The following ADAMTS17 variants were observed in gnomAD, a reference collection of about 807,000 sequenced individuals.
ADAMTS17 encodes the protein A disintegrin and metalloproteinase with thrombospondin motifs 17.
ADAMTS17 carries 113 observed loss-of-function variants against 141.5 expected under a neutral mutation model. The observed-to-expected ratio is 0.80, with a 90% CI of 0.69 to 0.93. The LOEUF is 0.93. Among genes scored for constraint, ADAMTS17 ranks in the 40% least tolerant of loss-of-function variants. The probability of loss-of-function intolerance (pLI) is 0.00; values close to 1 mark genes in which losing one functional copy is unlikely to be tolerated. For missense variants in ADAMTS17, 1,659 were observed against 1,517.9 expected, an observed-to-expected ratio of 1.09 and a Z score of -1.54; for synonymous variants, 768 against 630.6, an observed-to-expected ratio of 1.22 and a Z score of -3.27.
At chr15:100,025,221 G>T (rs935653237) in intron 18 of ADAMTS17, among the ~76,000 whole-genome samples, 1 of 152,062 alleles carries the variant, frequency 6.6e-6, no homozygotes, top group African/African-American at 2.4e-5. Context: ...CACATTTAAT[G>T]CTTTTTGGCT....
chr15:100,238,089 A>T (rs542497796), intron 7 of ADAMTS17, among the ~76,000 whole-genome samples: 66 of 152,336 alleles, frequency 4.3e-4, no homozygotes, highest in African/African-American at 1.5e-3. Flanking sequence ...CCTGCTGTCC[A>T]TGGTGGGGAC....
intron 12 of ADAMTS17, among the ~76,000 whole-genome samples, chr15:100,122,836 G>A (rs1015192245): frequency 6.6e-6 from 1 of 152,148 alleles, no homozygotes; most frequent in Non-Finnish European, 1.5e-5. Flanking sequence ...GGAGGAGTTG[G>A]TCTTGCTGTC....
At chr15:100,250,420 A>G (rs1393782510) in intron 7 of ADAMTS17, among the ~76,000 whole-genome samples, 1 of 152,222 alleles carries the variant, frequency 6.6e-6, no homozygotes, top group Non-Finnish European at 1.5e-5. Flanking sequence ...GCAAGCATGC[A>G]TCTACATGAC....
chr15:100,097,810 G>A (rs1297666848), intron 14 of ADAMTS17, among the ~76,000 whole-genome samples: 1 of 152,216 alleles, frequency 6.6e-6, no homozygotes, highest in East Asian at 1.9e-4. Flanking sequence ...ATCATGGCAT[G>A]CTACTCAAAG....
intron 9 of ADAMTS17, 136 bp downstream of exon 9, chr15:100,155,044 G>T: frequency 7.6e-7 from 1 of 1,314,910 alleles, no homozygotes; most frequent in Non-Finnish European, 1.1e-6. Flanking sequence ...ACTCTGCGCT[G>T]ACCGCCTCCT....
intron 8 of ADAMTS17, among the ~76,000 whole-genome samples, chr15:100,188,913 T>TG (rs777978984): frequency 1.4e-4 from 21 of 151,828 alleles, no homozygotes; most frequent in Admixed American, 2.6e-4. Flanking sequence ...AGAAACAAGA[T>TG]GGAAAAAAAA....
At chr15:100,089,730 G>C (rs2035332235) in intron 15 of ADAMTS17, among the ~76,000 whole-genome samples, 1 of 150,854 alleles carries the variant, frequency 6.6e-6, no homozygotes, top group Admixed American at 6.6e-5. Flanking sequence ...ACTATCACAA[G>C]GACAAAAAAC....
At chr15:100,111,830 T>C (rs1399221374) in intron 13 of ADAMTS17, among the ~76,000 whole-genome samples, 2 of 152,240 alleles carry the variant, frequency 1.3e-5, no homozygotes, top group Non-Finnish European at 2.9e-5. Context: ...TGTTCCATTA[T>C]ACAGACATGC....
chr15:100,276,996 G>T (rs1217876947), intron 4 of ADAMTS17, among the ~76,000 whole-genome samples: 8 of 152,128 alleles, frequency 5.3e-5, no homozygotes, highest in Non-Finnish European at 1.2e-4. Flanking sequence ...GGCTAGAGCG[G>T]CAAGAAAGGG....
chr15:100,181,029 G>C (rs2040505653), intron 8 of ADAMTS17, among the ~76,000 whole-genome samples: 1 of 152,194 alleles, frequency 6.6e-6, no homozygotes, highest in African/African-American at 2.4e-5. Context: ...TCAAACTAGA[G>C]ACAAAGTCCT....
At chr15:100,102,764 TCAAA>T (rs568488916) in intron 14 of ADAMTS17, among the ~76,000 whole-genome samples, 174 of 152,264 alleles carry the variant, frequency 1.1e-3, no homozygotes, top group African/African-American at 4.0e-3. Context: ...CTGGGTTTCC[TCAAA>T]CAGTTCATTC....
intron 18 of ADAMTS17, among the ~76,000 whole-genome samples, chr15:100,039,128 C>T (rs1013430646): frequency 1.3e-5 from 2 of 152,124 alleles, no homozygotes; most frequent in African/African-American, 4.8e-5. Context: ...TAGTAATTTA[C>T]GTCTTCTTTT....
At chr15:100,190,334 C>T (rs1023355801) in intron 8 of ADAMTS17, among the ~76,000 whole-genome samples, 10 of 152,248 alleles carry the variant, frequency 6.6e-5, no homozygotes, top group Non-Finnish European at 1.2e-4. Context: ...CTGTCTGCCA[C>T]TGCCATTTGG....
At chr15:100,255,527 A>C (rs1266108882) in intron 6 of ADAMTS17, among the ~76,000 whole-genome samples, 1 of 151,818 alleles carries the variant, frequency 6.6e-6, no homozygotes, top group Non-Finnish European at 1.5e-5. Flanking sequence ...AAAGCAAATA[A>C]AATTAGAGCC....
intron 7 of ADAMTS17, among the ~76,000 whole-genome samples, chr15:100,218,084 G>A (rs1450936060): frequency 6.6e-6 from 1 of 152,100 alleles, no homozygotes; most frequent in Non-Finnish European, 1.5e-5. Flanking sequence ...TGTTGCCCAG[G>A]CTAGTCTCAA....
intron 7 of ADAMTS17, among the ~76,000 whole-genome samples, chr15:100,226,645 CA>C: frequency 6.6e-6 from 1 of 152,116 alleles, no homozygotes. Context: ...AAGGAGAGTG[CA>C]GGGGCTTTCA....
At chr15:100,053,866 CT>C (rs2032336853) in intron 16 of ADAMTS17, 30 bp downstream of exon 16, 2 of 1,614,130 alleles carry the variant, frequency 1.2e-6, no homozygotes, top group South Asian at 2.2e-5. Flanking sequence ...GCCACACCCC[CT>C]AAGACAAGTG....
At chr15:100,083,895 G>A (rs925901489) in intron 15 of ADAMTS17, among the ~76,000 whole-genome samples, 5 of 151,954 alleles carry the variant, frequency 3.3e-5, no homozygotes, top group Non-Finnish European at 5.9e-5. Context: ...AACAGCTCCA[G>A]TCTACAGCTC....
intron 3 of ADAMTS17, among the ~76,000 whole-genome samples, chr15:100,292,329 C>A (rs1197192153): frequency 6.6e-6 from 1 of 151,864 alleles, no homozygotes; most frequent in Non-Finnish European, 1.5e-5. Flanking sequence ...ACACTCAGCC[C>A]GTGTGGAATT....
Sources: allele counts gnomAD v4.1 joint callset (sites outside exome capture counted in the v4.1 genomes callset), GRCh38; gene constraint gnomAD v4.1.1; transcripts MANE v1.5; gene names NCBI Gene and HGNC (gene_info 2026-07-23, HGNC 2026-07-21).